SLC39A8: variants seen among roughly 807,000 people sequenced by gnomAD.
SLC39A8 encodes solute carrier family 39 member 8.
SLC39A8 carries 15 observed loss-of-function variants against 40.4 expected under a neutral mutation model. The ratio of observed to expected loss-of-function variants is 0.37; its 90% confidence interval spans 0.25 to 0.57. The LOEUF (loss-of-function observed/expected upper bound fraction) is 0.57. Ranked by LOEUF, SLC39A8 falls within the 20% of genes least tolerant of loss-of-function variation. The pLI is 0.75. For missense variants in SLC39A8, 472 were observed against 558.8 expected (o/e 0.84, Z 1.57); for synonymous variants, 223 against 221.6 (o/e 1.01, Z -0.06).
At chr4:102,290,780 C>T (rs1393289239) in intron 6 of SLC39A8, among the ~76,000 whole-genome samples, 1 of 152,050 alleles carries the variant, frequency 6.6e-6, no homozygotes, top group Non-Finnish European at 1.5e-5. Context: ...TATTAAAAGC[C>T]TTTCCCACTT....
chr4:102,326,307 A>G (rs1735198844), intron 2 of SLC39A8, among the ~76,000 whole-genome samples: 1 of 152,214 alleles, frequency 6.6e-6, no homozygotes, highest in Admixed American at 6.5e-5. Flanking sequence ...CACGCCTGTA[A>G]TCCCAGCACT....
chr4:102,342,698 A>G (rs1158218975), intron 2 of SLC39A8, among the ~76,000 whole-genome samples: 4 of 152,330 alleles, frequency 2.6e-5, no homozygotes, highest in Admixed American at 6.5e-5. Flanking sequence ...AATTTTACCT[A>G]TTGAGACATC....
At chr4:102,284,517 A>G (rs1344072609) in intron 6 of SLC39A8, among the ~76,000 whole-genome samples, 2 of 152,174 alleles carry the variant, frequency 1.3e-5, no homozygotes, top group Admixed American at 6.6e-5. Context: ...GATGAAATGA[A>G]TGACTGAATA....
At chr4:102,278,496 C>T (rs1265250306) in intron 6 of SLC39A8, among the ~76,000 whole-genome samples, 1 of 152,166 alleles carries the variant, frequency 6.6e-6, no homozygotes, top group African/African-American at 2.4e-5. Flanking sequence ...ACAACAGATG[C>T]TGGCAAGGCT....
chr4:102,308,989 C>G (rs543064548), intron 3 of SLC39A8, among the ~76,000 whole-genome samples: 1 of 152,078 alleles, frequency 6.6e-6, no homozygotes, highest in Non-Finnish European at 1.5e-5. Flanking sequence ...CCCAGGCCCA[C>G]ATTTTTTAGC....
chr4:102,279,530 T>C (rs1732780848), intron 6 of SLC39A8, among the ~76,000 whole-genome samples: 2 of 152,000 alleles, frequency 1.3e-5, no homozygotes, highest in Non-Finnish European at 2.9e-5. Context: ...AGCACTCAGA[T>C]CTTAAAGAAA....
chr4:102,328,255 A>G (rs1190188105), intron 2 of SLC39A8, among the ~76,000 whole-genome samples: 1 of 151,376 alleles, frequency 6.6e-6, no homozygotes, highest in Non-Finnish European at 1.5e-5. Context: ...TATTCCCACC[A>G]CTTCCTTGAA....
intron 6 of SLC39A8, among the ~76,000 whole-genome samples, chr4:102,270,753 A>G (rs1732319528): frequency 1.3e-5 from 2 of 152,152 alleles, no homozygotes; most frequent in Admixed American, 6.6e-5. Context: ...CTTAGTTATT[A>G]ATGGGGATGG....
intron 11 of SLC39A8, among the ~76,000 whole-genome samples, chr4:102,255,117 A>AG (rs1384639986): frequency 6.6e-6 from 1 of 152,224 alleles, no homozygotes; most frequent in African/African-American, 2.4e-5. Context: ...TACTCTGCCT[A>AG]GGAAGTTGAC....
At chr4:102,312,050 C>G (rs6822371) in intron 3 of SLC39A8, among the ~76,000 whole-genome samples, 2 of 151,702 alleles carry the variant, frequency 1.3e-5, no homozygotes, top group Non-Finnish European at 2.9e-5. Context: ...TAGGCACTTA[C>G]GTATATTAAC....
rs751437096 is a variant in SLC39A8, at chr4:102,344,591, C to A, written c.72G>T (p.Gly24=). ...CATCCTCGCTGAAGGCTAGCCCTGG[C>A]CCCTCCGCCACTCCTCCGAGGCCGG... ...AAAGLGGVAE[G]PGLAFSEDVL... The change falls in exon 2 of 9, where the codon GGG becomes GGT. Residue 24 remains glycine, a synonymous_variant. Coordinates refer to ENST00000356736, the MANE Select transcript of SLC39A8 (RefSeq NM_001135146.2). 6.5e-7 allele frequency: 1 copy of A among 1,545,630 alleles called. No individual in the cohort carries two copies. The highest frequency in any genetic ancestry group is 1.2e-5 in the South Asian group (1 of 83,006).
intron 6 of SLC39A8, among the ~76,000 whole-genome samples, chr4:102,286,797 A>T (rs1304056847): frequency 6.6e-6 from 1 of 152,166 alleles, no homozygotes; most frequent in African/African-American, 2.4e-5. Flanking sequence ...AAAACTAACA[A>T]GGTTTCACTA....
At chr4:102,301,491 T>G (rs1733926743) in intron 6 of SLC39A8, among the ~76,000 whole-genome samples, 1 of 150,382 alleles carries the variant, frequency 6.6e-6, no homozygotes, top group South Asian at 2.1e-4. Flanking sequence ...TATATGATAT[T>G]TTCTTGTTTT....
chr4:102,268,019 C>G lies in SLC39A8; in HGVS notation c.901G>C (p.Gly301Arg). The G allele has an allele frequency of 6.2e-7, 1 of 1,614,228 alleles. No homozygotes were observed. ...AGCGTTATCATCCAGGCAATCGTCC[C>G]TATTTCTGACAGTTTGGGCCCCTTC... ...CLKGPKLSEI[G>R]TIAWMITLCD... is the part of the protein sequence containing the mutation. The change falls in exon 7 of 9, where the codon GGG becomes CGG. Residue 301 changes from glycine (G) to arginine (R), a missense_variant. Physicochemically the swap from Gly to Arg is moderately radical, Grantham distance 125. Around this residue, in one of 4 missense-constraint regions of SLC39A8, gnomAD observed 239 missense variants for 317.9 expected, o/e 0.75. Coordinates refer to ENST00000356736, the MANE Select transcript of SLC39A8 (RefSeq NM_001135146.2).
At chr4:102,267,115 C>T (rs996787914) in intron 8 of SLC39A8, among the ~76,000 whole-genome samples, 4 of 152,058 alleles carry the variant, frequency 2.6e-5, no homozygotes, top group Non-Finnish European at 5.9e-5. Context: ...ATTCCTCTTC[C>T]AAATGTGGCA....
intron 6 of SLC39A8, among the ~76,000 whole-genome samples, chr4:102,279,045 A>G (rs2149014106): frequency 6.6e-6 from 1 of 152,224 alleles, no homozygotes; most frequent in East Asian, 1.9e-4. Context: ...TAACTAATGT[A>G]GATGACGGGT....
chr4:102,280,170 C>G (rs1309812409), intron 6 of SLC39A8, among the ~76,000 whole-genome samples: 1 of 152,216 alleles, frequency 6.6e-6, no homozygotes, highest in Non-Finnish European at 1.5e-5. Flanking sequence ...CTACACAAAA[C>G]TAGCTCCTTT....
At position 102,304,392 on chromosome 4, in the gene SLC39A8, T is replaced by C. The variant is rs1438289242; in HGVS notation, c.765A>G (p.Thr255=). 4 of 1,611,804 alleles carry C rather than the reference T, an allele frequency of 2.5e-6. No homozygotes were observed. Among genetic ancestry groups the C allele is most frequent in the Non-Finnish European group, 3.4e-6 (4 of 1,178,468 alleles). The change falls in exon 6 of 9, where the codon ACA becomes ACG. Residue 255 remains threonine (T), a synonymous_variant. Coordinates refer to ENST00000356736, the MANE Select transcript of SLC39A8 (RefSeq NM_001135146.2). ...PKALPAINGV[T]CYANPAVTEA... is the part of the protein sequence containing the mutation. ...CTGTGACAGCAGGATTTGCATAGCA[T>C]GTCACACCATTGATGGCAGGTAATG...
chr4:102,317,015 GTCT>G (rs1172601763), intron 2 of SLC39A8, among the ~76,000 whole-genome samples: 1 of 152,120 alleles, frequency 6.6e-6, no homozygotes, highest in East Asian at 1.9e-4. Flanking sequence ...TGGCACCTTG[GTCT>G]GGACTTCAAG....
Sources: gnomAD v4.1 joint callset for allele counts (sites outside exome capture counted in the v4.1 genomes callset) on GRCh38, gnomAD v4.1.1 for gene constraint, gnomAD v4.1.1 regional missense constraint, MANE v1.5 for transcripts, NCBI Gene and HGNC (gene_info 2026-07-23, HGNC 2026-07-21) for gene names.